The following ABTB2 variants were observed in gnomAD, a reference collection of about 807,000 sequenced individuals.
The protein encoded by ABTB2 is ankyrin repeat and BTB/POZ domain-containing protein 2.
A neutral mutation model predicts 104.1 loss-of-function variants in ABTB2; 56 were observed. The ratio of observed to expected loss-of-function variants is 0.54; its 90% CI spans 0.43 to 0.67. ABTB2 has a LOEUF of 0.67. Among genes scored for constraint, ABTB2 ranks in the 30% least tolerant of loss-of-function variants. The probability of loss-of-function intolerance (pLI) is 0.00; values close to 1 mark genes in which losing one functional copy is unlikely to be tolerated. For synonymous variants in ABTB2, 606 were observed against 608.2 expected (o/e 1.00, Z 0.05); for missense variants, 1,279 against 1,407.7 (o/e 0.91, Z 1.46).
chr11:34,276,149 C>T (rs796405023), intron 1 of ABTB2, among the ~76,000 whole-genome samples: 36 of 151,044 alleles, frequency 2.4e-4, no homozygotes, highest in African/African-American at 8.8e-4. Context: ...ATGATATGCT[C>T]AAATAGAAAA....
At chr11:34,271,856 T>C (rs1854318456) in intron 1 of ABTB2, among the ~76,000 whole-genome samples, 1 of 152,220 alleles carries the variant, frequency 6.6e-6, no homozygotes, top group Non-Finnish European at 1.5e-5. Context: ...ATGTTGTACT[T>C]GTCCTTATAT....
At chr11:34,168,017 A>G (rs4756111) in intron 5 of ABTB2, 25 bp from the exon 6 acceptor site, 1,452,571 of 1,609,986 alleles carry the variant, frequency 0.9, 657,148 homozygotes, top group East Asian at 1. Flanking sequence ...TGCACGTGCT[A>G]AACTGTTTGC....
chr11:34,274,560 T>TACACACACAC (rs3830969), intron 1 of ABTB2, among the ~76,000 whole-genome samples: 9 of 146,382 alleles, frequency 6.1e-5, no homozygotes, highest in Non-Finnish European at 8.9e-5. Flanking sequence ...GATTGGAATA[T>TACACACACAC]ACACACACAC....
chr11:34,357,438 T>G lies in ABTB2; in HGVS notation c.146A>C (p.His49Pro). The change falls in exon 1 of 17, where the codon CAC becomes CCC. Residue 49 changes from histidine to proline, a missense_variant. His to Pro is a moderately conservative substitution (Grantham distance 77). Transcript: ENST00000435224. ...GTAGCACCACCAGGCCGCCCCGCGG[T>G]GCTGCTGCGCCGAAGAGTTGAGCGC... ...SQALNSSAQQHRGAAWWCYSG... is the reference protein window; with the variant it reads ...SQALNSSAQQPRGAAWWCYSG... The G allele has an allele frequency of 6.5e-7, 1 of 1,548,662 alleles. No homozygotes were observed. The highest frequency in any genetic ancestry group is 1.2e-5 in the South Asian group (1 of 84,028).
intron 1 of ABTB2, among the ~76,000 whole-genome samples, chr11:34,274,813 C>T (rs75548235): frequency 9.2e-5 from 14 of 152,120 alleles, no homozygotes; most frequent in South Asian, 2.1e-4. Flanking sequence ...TGCAGTATTG[C>T]GCAAACGTGC....
chr11:34,229,823 T>G (rs1853745756), intron 1 of ABTB2, among the ~76,000 whole-genome samples: 1 of 152,228 alleles, frequency 6.6e-6, no homozygotes, highest in East Asian at 1.9e-4. Context: ...TGTTCATATA[T>G]TTTTAAACCT....
chr11:34,182,499 G>GGT (rs1554981451), intron 3 of ABTB2, among the ~76,000 whole-genome samples: 3 of 135,870 alleles, frequency 2.2e-5, no homozygotes, highest in Admixed American at 1.5e-4. Context: ...GGGTTCTCTG[G>GGT]GGGGGGGGGG....
intron 1 of ABTB2, among the ~76,000 whole-genome samples, chr11:34,295,650 C>G (rs183707588): frequency 4.9e-4 from 75 of 152,268 alleles, no homozygotes; most frequent in African/African-American, 1.8e-3. Flanking sequence ...GCTGCTATAA[C>G]CAGTGTCCCA....
chr11:34,330,435 G>A (rs531186991), intron 1 of ABTB2, among the ~76,000 whole-genome samples: 55 of 152,310 alleles, frequency 3.6e-4, no homozygotes, highest in African/African-American at 1.3e-3. Context: ...AGTTTATAAA[G>A]TGTTTAGTAA....
At chr11:34,325,689 G>A (rs1024866531) in intron 1 of ABTB2, among the ~76,000 whole-genome samples, 5 of 152,090 alleles carry the variant, frequency 3.3e-5, no homozygotes, top group Admixed American at 2.0e-4. Context: ...AGTGACTCAC[G>A]CCTGCAATCC....
intron 1 of ABTB2, among the ~76,000 whole-genome samples, chr11:34,274,019 G>C (rs1854352185): frequency 6.6e-6 from 1 of 150,602 alleles, no homozygotes; most frequent in Non-Finnish European, 1.5e-5. Flanking sequence ...GGGCACGGTG[G>C]CGGGCGCCTG....
intron 1 of ABTB2, among the ~76,000 whole-genome samples, chr11:34,255,493 ACTT>A (rs1338052332): frequency 6.6e-6 from 1 of 151,534 alleles, no homozygotes; most frequent in Non-Finnish European, 1.5e-5. Flanking sequence ...GAAATTAAAA[ACTT>A]CTTTTTTTTT....
At chr11:34,282,437 T>C (rs1160165626) in intron 1 of ABTB2, among the ~76,000 whole-genome samples, 1 of 152,244 alleles carries the variant, frequency 6.6e-6, no homozygotes, top group Non-Finnish European at 1.5e-5. Flanking sequence ...ATCACACTTT[T>C]GTAAAGAAAA....
chr11:34,210,565 C>T (rs769662487), intron 1 of ABTB2, among the ~76,000 whole-genome samples: 2 of 152,218 alleles, frequency 1.3e-5, no homozygotes, highest in Non-Finnish European at 2.9e-5. Flanking sequence ...TAACTGTCCT[C>T]CAAACTCAGC....
At chr11:34,205,629 A>G (rs1282260456) in intron 1 of ABTB2, among the ~76,000 whole-genome samples, 2 of 152,112 alleles carry the variant, frequency 1.3e-5, no homozygotes, top group Admixed American at 1.3e-4. Flanking sequence ...TTAAAGAAAA[A>G]TACCCACAGG....
At chr11:34,224,657 C>T (rs937139660) in intron 1 of ABTB2, among the ~76,000 whole-genome samples, 12 of 152,148 alleles carry the variant, frequency 7.9e-5, no homozygotes, top group Admixed American at 5.2e-4. Flanking sequence ...TCAGTTTGCT[C>T]GTCTGCACAG....
chr11:34,154,628 T>C lies in ABTB2; in HGVS notation c.2766+73A>G, dbSNP rs1565125515. ...TGGAGAGGAAGAGCCACCTTCCCTC[T>C]GAAGGGGGTGAATGGGAGACCGAGC... On this transcript the variant is annotated intron_variant, in intron 15 of 16. Transcript: ENST00000435224. This position sits in a 1 kb window ranked among gnomAD's most constrained non-coding sequence, Gnocchi z 4.9. 1 of 1,481,100 alleles carries C rather than the reference T, an allele frequency of 6.8e-7. No homozygotes were observed. Among genetic ancestry groups the C allele is most frequent in the Admixed American group, 1.7e-5 (1 of 58,286 alleles). 91.7% of individuals were successfully genotyped at this position (1,481,100 alleles called of 1,614,324 possible). A position where few individuals can be genotyped will look rare whatever the true frequency, so the allele number is the denominator to read the frequency against.
chr11:34,285,288 A>T (rs898056457), intron 1 of ABTB2, among the ~76,000 whole-genome samples: 67 of 152,244 alleles, frequency 4.4e-4, no homozygotes, highest in Admixed American at 1.8e-3. Flanking sequence ...GCAGCTCATT[A>T]TGCAAGCCCC....
In ABTB2 at chr11:34,160,932, G is replaced by T. The variant is rs1239099128; in HGVS notation, c.2368C>A (p.Leu790Ile). 1 of 1,611,716 alleles carries T rather than the reference G, an allele frequency of 6.2e-7. No individual in the cohort carries two copies. The highest frequency in any genetic ancestry group is 8.5e-7 in the Non-Finnish European group (1 of 1,178,874). ...NEELVTEGLQ[L>I]MFDILKTSKN... is the part of the protein sequence containing the mutation. ...CTGGTCTTGAGGATGTCGAACATGA[G>T]CTGCAAGCCCTCGGTCACCAGCTCC... is the stretch of plus-strand genomic sequence containing the variant. Residue 790 changes from leucine to isoleucine, a missense_variant, in exon 11 of 17, where the codon CTC becomes ATC. Transcript: ENST00000435224.
Sources: gnomAD v4.1 joint callset for allele counts (sites outside exome capture counted in the v4.1 genomes callset) on GRCh38, gnomAD v4.1.1 for gene constraint, Gnocchi (gnomAD v3.1) non-coding constraint, MANE v1.5 for transcripts, NCBI Gene and HGNC (gene_info 2026-07-23, HGNC 2026-07-21) for gene names.